The following SCHIP1 variants were observed in gnomAD, a reference collection of about 807,000 sequenced individuals.
SCHIP1 encodes schwannomin-interacting protein 1.
A neutral mutation model predicts 29.7 loss-of-function variants in SCHIP1; 8 were observed. The ratio of observed to expected loss-of-function variants is 0.27; its 90% confidence interval spans 0.16 to 0.49. SCHIP1 has a LOEUF of 0.49. SCHIP1 is among the 20% of genes least tolerant of loss of function. SCHIP1 has a pLI of 0.99. For synonymous variants in SCHIP1, 76 were observed against 94.9 expected (o/e 0.80, Z 1.16); for missense variants, 193 against 294.6 (o/e 0.66, Z 2.52).
At chr3:159,484,418 T>C in the SCHIP1 span, among the ~76,000 whole-genome samples, 11,215 of 152,232 alleles carry the variant, frequency 0.074, 1,395 homozygotes, top group African/African-American at 0.26. Flanking sequence ...TAGATAATTA[T>C]GGCCAGAGTT....
the SCHIP1 span, among the ~76,000 whole-genome samples, chr3:159,756,804 C>G: frequency 6.6e-6 from 1 of 152,224 alleles, no homozygotes. Context: ...GATCATCTCT[C>G]TCAAGTTCAA....
the SCHIP1 span, among the ~76,000 whole-genome samples, chr3:159,748,813 C>A: frequency 6.6e-6 from 1 of 152,168 alleles, no homozygotes; most frequent in South Asian, 2.1e-4. Context: ...GCAAAAAGAG[C>A]ATTTTAGTCT....
the SCHIP1 span, among the ~76,000 whole-genome samples, chr3:159,402,096 C>T: frequency 1.3e-5 from 2 of 152,112 alleles, no homozygotes; most frequent in East Asian, 1.9e-4. Context: ...AAAAAACAAA[C>T]AACCCCATCA....
chr3:159,495,958 C>T, the SCHIP1 span, among the ~76,000 whole-genome samples: 7 of 152,156 alleles, frequency 4.6e-5, no homozygotes, highest in Non-Finnish European at 8.8e-5. Flanking sequence ...CGCATATCTA[C>T]AACTACCTGA....
At chr3:159,839,646 T>C (rs1428934673), upstream of SCHIP1, among the ~76,000 whole-genome samples, 1 of 139,054 alleles carries the variant, frequency 7.2e-6, no homozygotes, top group Non-Finnish European at 1.5e-5. Context: ...TTTTTTTTTT[T>C]TTTTTTTTTT....
the SCHIP1 span, among the ~76,000 whole-genome samples, chr3:159,452,819 C>T: frequency 6.9e-6 from 1 of 144,056 alleles, no homozygotes; most frequent in African/African-American, 2.8e-5. Context: ...GTTGTTGTTT[C>T]CTGTCTGAAA....
At chr3:159,692,342 C>T in the SCHIP1 span, among the ~76,000 whole-genome samples, 4 of 152,232 alleles carry the variant, frequency 2.6e-5, no homozygotes, top group South Asian at 8.3e-4. Context: ...TGATTCTCCC[C>T]GTCACTTTCA....
At chr3:159,295,027 C>G in the SCHIP1 span, among the ~76,000 whole-genome samples, 4 of 151,984 alleles carry the variant, frequency 2.6e-5, no homozygotes, top group Non-Finnish European at 4.4e-5. Context: ...TTAGACTTTG[C>G]AGATAGAAAT....
the SCHIP1 span, among the ~76,000 whole-genome samples, chr3:159,680,717 TATGTATATATATA>T: frequency 1.2e-5 from 1 of 83,762 alleles, no homozygotes; most frequent in African/African-American, 5.4e-5. Context: ...ATATATAATA[TATGTATATATATA>T]ATATACATAT....
At chr3:159,707,484 T>C in the SCHIP1 span, among the ~76,000 whole-genome samples, 1 of 152,220 alleles carries the variant, frequency 6.6e-6, no homozygotes, top group Non-Finnish European at 1.5e-5. Context: ...TAAACTTTAG[T>C]GATAATCCAT....
upstream of SCHIP1, among the ~76,000 whole-genome samples, chr3:159,839,628 C>CTTTTTTTTTTTTTTTTTTTTTTTTT (rs3068349): frequency 1.4e-5 from 1 of 71,710 alleles, no homozygotes; most frequent in Non-Finnish European, 2.4e-5. Context: ...AGGTCTTTTT[C>CTTTTTTTTTTTTTTTTTTTTTTTTT]TTTTTTTTTT....
chr3:159,283,816 T>A, the SCHIP1 span, among the ~76,000 whole-genome samples: 3 of 152,242 alleles, frequency 2.0e-5, no homozygotes, highest in African/African-American at 7.2e-5. Context: ...AAAGTCTTAT[T>A]GTATTGATTA....
At chr3:159,302,852 G>C in the SCHIP1 span, among the ~76,000 whole-genome samples, 1 of 152,172 alleles carries the variant, frequency 6.6e-6, no homozygotes, top group Non-Finnish European at 1.5e-5. Context: ...GGCAAACTGA[G>C]ACCGGTGGTT....
At chr3:159,704,833 T>G in the SCHIP1 span, among the ~76,000 whole-genome samples, 26,107 of 151,732 alleles carry the variant, frequency 0.17, 2,522 homozygotes, top group Middle Eastern at 0.24. Flanking sequence ...TTCTTTTTCT[T>G]TCTTGCTTCT....
the SCHIP1 span, among the ~76,000 whole-genome samples, chr3:159,758,646 T>C: frequency 6.6e-6 from 1 of 152,234 alleles, no homozygotes; most frequent in Non-Finnish European, 1.5e-5. Flanking sequence ...TTCCTACCAA[T>C]GGAATTCTTG....
At chr3:159,332,555 AT>A in the SCHIP1 span, among the ~76,000 whole-genome samples, 1 of 152,174 alleles carries the variant, frequency 6.6e-6, no homozygotes, top group Non-Finnish European at 1.5e-5. Flanking sequence ...GCATCTAGAA[AT>A]TCAATAAATA....
At chr3:159,557,495 A>G in the SCHIP1 span, among the ~76,000 whole-genome samples, 1 of 152,302 alleles carries the variant, frequency 6.6e-6, no homozygotes, top group African/African-American at 2.4e-5. Context: ...TTACTTAGTT[A>G]TAATACTGGA....
the SCHIP1 span, among the ~76,000 whole-genome samples, chr3:159,540,527 T>A: frequency 6.6e-6 from 1 of 152,110 alleles, no homozygotes; most frequent in Non-Finnish European, 1.5e-5. Flanking sequence ...TTTTAAATTA[T>A]CTATCTTATT....
At chr3:159,674,598 TAAAAAAAA>T in the SCHIP1 span, among the ~76,000 whole-genome samples, 4 of 53,974 alleles carry the variant, frequency 7.4e-5, no homozygotes, top group South Asian at 5.9e-4. Context: ...GGGTCAGGAT[TAAAAAAAA>T]AAAAAAAAAA....
Sources: allele counts gnomAD v4.1 joint callset (sites outside exome capture counted in the v4.1 genomes callset), GRCh38; gene constraint gnomAD v4.1.1; transcripts MANE v1.5; gene names NCBI Gene and HGNC (gene_info 2026-07-23, HGNC 2026-07-21).